The following DYNC2H1 variants were observed in gnomAD, a reference collection of about 807,000 sequenced individuals.
The protein encoded by DYNC2H1 is cytoplasmic dynein 2 heavy chain 1.
Under a neutral mutation model 570.0 loss-of-function variants are expected in DYNC2H1, and 410 were observed. The observed-to-expected ratio is 0.72, with a 90% confidence interval of 0.66 to 0.78. DYNC2H1 has a LOEUF of 0.78. DYNC2H1 is among the 30% of genes least tolerant of loss of function. The pLI is 0.00. For synonymous variants in DYNC2H1, 1,688 were observed against 1,677.6 expected (o/e 1.01, Z -0.15); for missense variants, 4,865 against 5,046.4 (o/e 0.96, Z 1.09).
chr11:103,322,100 C>G (rs897593072), intron 81 of DYNC2H1, among the ~76,000 whole-genome samples: 1 of 152,006 alleles, frequency 6.6e-6, no homozygotes, highest in African/African-American at 2.4e-5. Context: ...TGTTTTGTTT[C>G]TAGTATCTTT....
chr11:103,170,409 A>G lies in DYNC2H1; in HGVS notation c.5151+119A>G. ...TACATTTAAATTAGTTGAAGACAGA[A>G]TTTGTTTAAATTGAAATGTAAAATG... On this transcript the variant is annotated intron_variant, in intron 33 of 88. Coordinates refer to ENST00000375735, the MANE Select transcript of DYNC2H1 (RefSeq NM_001377.3). The surrounding 1 kb of genome is among the most constrained non-coding windows in gnomAD (Gnocchi z 4.8). The G allele has an allele frequency of 1.9e-6, 2 of 1,056,314 alleles. No homozygotes were observed. Among genetic ancestry groups the G allele is most frequent in the Non-Finnish European group, 1.3e-6 (1 of 773,340 alleles). The allele number at this position is 1,056,314 out of a possible 1,614,324, so 65.4% of individuals were successfully genotyped here.
chr11:103,368,991 C>T (rs72981423), intron 83 of DYNC2H1, among the ~76,000 whole-genome samples: 2,072 of 152,242 alleles, frequency 0.014, 18 homozygotes, highest in Non-Finnish European at 0.021. Context: ...ACACAAAAAC[C>T]ACCTTTATAA....
At chr11:103,291,807 C>A (rs749256336) in intron 75 of DYNC2H1, among the ~76,000 whole-genome samples, 1 of 152,108 alleles carries the variant, frequency 6.6e-6, no homozygotes, top group Non-Finnish European at 1.5e-5. Flanking sequence ...TACACAATGA[C>A]TTTGTTGGTC....
rs528308612 is a variant in DYNC2H1 at position 103,247,467 on chromosome 11, C to T, written c.10042+2093C>T. ...ATTGCTTCTGGGTGACCCAATGGCCCGAAGACTGGTAGATCACTGTTCTTC... is the reference window on the plus strand; with the variant it reads ...ATTGCTTCTGGGTGACCCAATGGCCTGAAGACTGGTAGATCACTGTTCTTC... On this transcript the variant is annotated intron_variant, in intron 65 of 88. Coordinates refer to ENST00000375735, the MANE Select transcript of DYNC2H1 (RefSeq NM_001377.3). Among the ~76,000 whole-genome samples the T allele has an allele frequency of 7.2e-5, 11 of 152,100 alleles. No homozygotes were observed. The East Asian group carries it at 7.7e-4, about 11-fold the overall frequency.
chr11:103,401,305 T>G lies in DYNC2H1; in HGVS notation c.12366+1433T>G, dbSNP rs149072197. Among the ~76,000 whole-genome samples, 12 of 152,296 alleles carry G rather than the reference T, an allele frequency of 7.9e-5. No homozygotes were observed. The East Asian group carries it at 2.3e-3, about 29-fold the overall frequency. ...TAAATGCTCTTGAGAGTATATTTCT[T>G]TATCCAACTATATGCCGTACAGAGT... On this transcript the variant is annotated intron_variant, in intron 84 of 88. Coordinates refer to ENST00000375735, the MANE Select transcript of DYNC2H1 (RefSeq NM_001377.3).
At chr11:103,279,769 C>A (rs1208380071) in intron 70 of DYNC2H1, among the ~76,000 whole-genome samples, 4 of 152,074 alleles carry the variant, frequency 2.6e-5, no homozygotes, top group Non-Finnish European at 5.9e-5. Context: ...TATTATCTAA[C>A]CTCAATTAGT....
At chr11:103,147,128 G>A (rs1860278665) in intron 18 of DYNC2H1, among the ~76,000 whole-genome samples, 1 of 152,192 alleles carries the variant, frequency 6.6e-6, no homozygotes, top group Non-Finnish European at 1.5e-5. Flanking sequence ...TCTAAAGGTA[G>A]AGTTGTTAAG....
At chr11:103,301,460 T>G (rs775395921) in intron 75 of DYNC2H1, among the ~76,000 whole-genome samples, 2 of 151,984 alleles carry the variant, frequency 1.3e-5, no homozygotes, top group Non-Finnish European at 2.9e-5. Context: ...ACTGAATGCT[T>G]GAATCAATGG....
intron 82 of DYNC2H1, among the ~76,000 whole-genome samples, chr11:103,341,049 A>G (rs2089937748): frequency 6.6e-6 from 1 of 152,118 alleles, no homozygotes; most frequent in South Asian, 2.1e-4. Flanking sequence ...TTTTAAAGCC[A>G]GAGTGATACA....
intron 88 of DYNC2H1, among the ~76,000 whole-genome samples, chr11:103,476,087 G>T (rs1372984587): frequency 6.6e-6 from 1 of 150,932 alleles, no homozygotes; most frequent in Non-Finnish European, 1.5e-5. Context: ...GAATGTAAAG[G>T]AATGCTTGCA....
chr11:103,427,096 T>C lies in DYNC2H1; in HGVS notation c.12367-8847T>C, dbSNP rs185673766. Among the ~76,000 whole-genome samples, 37 of 152,056 alleles carry C rather than the reference T, an allele frequency of 2.4e-4. No individual in the cohort carries two copies. In the East Asian group the frequency reaches 5.0e-3, roughly 21 times the overall value. On this transcript the variant is annotated intron_variant, in intron 84 of 88. Coordinates refer to ENST00000375735, the MANE Select transcript of DYNC2H1 (RefSeq NM_001377.3). ...AGAGCCCATTTAACTCTACTCTTGA[T>C]GTATGTTTGGTTAAAATTTTTGAGA...
chr11:103,438,374 G>A (rs1943818609), intron 85 of DYNC2H1, among the ~76,000 whole-genome samples: 1 of 152,076 alleles, frequency 6.6e-6, no homozygotes, highest in Non-Finnish European at 1.5e-5. Context: ...GATACTTGGA[G>A]AGCAATGTAA....
At chr11:103,331,144 C>G (rs1444179953) in intron 82 of DYNC2H1, among the ~76,000 whole-genome samples, 2 of 152,090 alleles carry the variant, frequency 1.3e-5, no homozygotes, top group South Asian at 2.1e-4. Flanking sequence ...ATATGGCATA[C>G]CTAGGCACTG....
chr11:103,462,672 G>A (rs887905517), intron 87 of DYNC2H1, among the ~76,000 whole-genome samples: 2 of 152,116 alleles, frequency 1.3e-5, no homozygotes, highest in Non-Finnish European at 2.9e-5. Flanking sequence ...CATTTAAACT[G>A]GGAATATTCA....
chr11:103,119,349 T>C (rs192928023), intron 6 of DYNC2H1, among the ~76,000 whole-genome samples: 7 of 150,524 alleles, frequency 4.7e-5, no homozygotes, highest in Admixed American at 4.6e-4. Flanking sequence ...CTTTCTTTCC[T>C]TTTTTTTTGA....
chr11:103,340,742 C>A (rs11225732), intron 82 of DYNC2H1, among the ~76,000 whole-genome samples: 1 of 151,910 alleles, frequency 6.6e-6, no homozygotes, highest in East Asian at 1.9e-4. Flanking sequence ...TTTTAGTACA[C>A]CTTTCGTAAC....
chr11:103,414,672 A>ACTT lies in DYNC2H1; in HGVS notation c.12366+14802_12366+14804dup, dbSNP rs1383558972. ...CAGAAACTCCTTAAGCTAATAAGTA[A>ACTT]CTTCAGCAAAATTTCAGGATTCAAA... On this transcript the variant is annotated intron_variant, in intron 84 of 88. Transcript: ENST00000375735. Among the ~76,000 whole-genome samples the ACTT allele has an allele frequency of 2.0e-5, 3 of 152,330 alleles. No individual in the cohort carries two copies. In the East Asian group the frequency reaches 5.8e-4, roughly 29 times the overall value.
At chr11:103,143,433 A>AT (rs778561639) in intron 18 of DYNC2H1, 38 bp downstream of exon 18, 4 of 1,542,722 alleles carry the variant, frequency 2.6e-6, no homozygotes, top group Non-Finnish European at 3.5e-6. Flanking sequence ...TACCATAATA[A>AT]TTTTTTGACA....
At chr11:103,459,053 T>G (rs892873583) in intron 87 of DYNC2H1, among the ~76,000 whole-genome samples, 1 of 151,708 alleles carries the variant, frequency 6.6e-6, no homozygotes, top group South Asian at 2.1e-4. Context: ...CTCACGCCTG[T>G]AATCCCAGCA....
Sources: allele counts gnomAD v4.1 joint callset (sites outside exome capture counted in the v4.1 genomes callset), GRCh38; gene constraint gnomAD v4.1.1; non-coding constraint Gnocchi (gnomAD v3.1); transcripts MANE v1.5; gene names NCBI Gene and HGNC (gene_info 2026-07-23, HGNC 2026-07-21).